Variants in MCMDC2 observed in about 807,000 individuals in gnomAD.
MCMDC2 encodes minichromosome maintenance domain-containing protein 2.
In MCMDC2, 54 loss-of-function variants were observed where a neutral mutation model predicts 75.8. The observed-to-expected ratio is 0.71, with a 90% CI of 0.57 to 0.89. The LOEUF (loss-of-function observed/expected upper bound fraction) is 0.89. Ranked by LOEUF, MCMDC2 falls within the 40% of genes least tolerant of loss-of-function variation. The probability of loss-of-function intolerance (pLI) is 0.00; values close to 1 mark genes in which losing one functional copy is unlikely to be tolerated. For synonymous variants in MCMDC2, 249 were observed against 274.6 expected, an observed-to-expected ratio of 0.91 and a Z score of 0.92; for missense variants, 656 against 780.4, an observed-to-expected ratio of 0.84 and a Z score of 1.90.
chr8:66,914,529 G>T (rs1198768347), intron 14 of MCMDC2, among the ~76,000 whole-genome samples: 1 of 152,186 alleles, frequency 6.6e-6, no homozygotes, highest in African/African-American at 2.4e-5. Context: ...GGCCAGGGTG[G>T]CTAAAACATA....
At chr8:66,891,195 T>G in intron 10 of MCMDC2, 125 bp downstream of exon 10, 1 of 870,484 alleles carries the variant, frequency 1.1e-6, no homozygotes, top group Non-Finnish European at 1.7e-6. Context: ...TTAGATGGCA[T>G]TTCTTATTTT....
intron 14 of MCMDC2, among the ~76,000 whole-genome samples, chr8:66,906,059 C>T (rs370092537): frequency 1.3e-5 from 2 of 151,708 alleles, no homozygotes; most frequent in African/African-American, 4.8e-5. Context: ...TGTATCACCA[C>T]CTTTGCTGAA....
intron 5 of MCMDC2, among the ~76,000 whole-genome samples, chr8:66,877,760 G>A (rs975049319): frequency 6.6e-6 from 1 of 151,220 alleles, no homozygotes; most frequent in African/African-American, 2.4e-5. Context: ...AGCTATTCAA[G>A]ACACTGAGTT....
At chr8:66,924,729 A>T (rs75347872), downstream of MCMDC2, among the ~76,000 whole-genome samples, 1,193 of 152,074 alleles carry the variant, frequency 7.8e-3, 11 homozygotes, top group African/African-American at 0.028. Flanking sequence ...AGAAATACAC[A>T]TCTCTATGTA....
chr8:66,889,395 T>G (rs1811992496), intron 9 of MCMDC2, among the ~76,000 whole-genome samples: 2 of 152,162 alleles, frequency 1.3e-5, no homozygotes, highest in South Asian at 4.1e-4. Context: ...CTTGGGAGAC[T>G]GAGCAGGCAG....
intron 8 of MCMDC2, among the ~76,000 whole-genome samples, chr8:66,883,401 A>G (rs1341873979): frequency 6.6e-6 from 1 of 152,176 alleles, no homozygotes; most frequent in Non-Finnish European, 1.5e-5. Flanking sequence ...CCCACAGCCA[A>G]TCTATGTGGA....
chr8:66,922,479 G>T (rs537243970), downstream of MCMDC2: 1 of 518,650 alleles, frequency 1.9e-6, no homozygotes, highest in South Asian at 1.4e-5. Flanking sequence ...TGGCATCTCA[G>T]TCTTAAAATT....
chr8:66,901,401 T>C (rs1422116856), intron 13 of MCMDC2, 53 bp downstream of exon 13: 1 of 1,558,330 alleles, frequency 6.4e-7, no homozygotes, highest in East Asian at 2.3e-5. Context: ...AAATGATATG[T>C]TTAATTAAAT....
intron 4 of MCMDC2, among the ~76,000 whole-genome samples, chr8:66,875,362 C>G (rs1168593094): frequency 6.6e-6 from 1 of 152,142 alleles, no homozygotes; most frequent in Non-Finnish European, 1.5e-5. Context: ...TCACCACAAC[C>G]TCCACCTCCT....
rs1811415974 is a variant in MCMDC2, at chr8:66,878,691, TTGG to T, written c.604_604+2del. ...CAAGAAGACAGAAAATTTAGAGTAC[TTGG>T]TGGTAATATGCATTTATATTTTGTA... On this transcript the variant is annotated inframe_deletion and splice_region_variant, in exon 6 of 15. Coordinates refer to ENST00000422365, the MANE Select transcript of MCMDC2 (RefSeq NM_173518.5). 1.3e-6 allele frequency: 2 copies of T among 1,562,710 alleles called. No homozygotes were observed. The highest frequency in any genetic ancestry group is 1.2e-5 in the South Asian group (1 of 80,092).
rs1205602069 is a variant in MCMDC2 at position 66,874,474 on chromosome 8, A to G, written c.225+18A>G. On this transcript the variant is annotated intron_variant, in intron 3 of 14. Coordinates refer to ENST00000422365, the MANE Select transcript of MCMDC2 (RefSeq NM_173518.5). ...TTCAATCAGTAAGTCAAAAAAAGAA[A>G]TAATTTTATGCCACATGGAATTTTT... 1.9e-6 allele frequency: 3 copies of G among 1,611,976 alleles called. No homozygotes were observed. The highest frequency in any genetic ancestry group is 1.1e-5 in the South Asian group (1 of 90,206).
At chr8:66,875,847 A>G (rs1811257778) in intron 4 of MCMDC2, among the ~76,000 whole-genome samples, 1 of 152,180 alleles carries the variant, frequency 6.6e-6, no homozygotes, top group Admixed American at 6.5e-5. Flanking sequence ...AATTGGTCCT[A>G]CGTTATATAA....
chr8:66,891,843 C>T (rs913693874), intron 10 of MCMDC2, among the ~76,000 whole-genome samples: 3 of 152,216 alleles, frequency 2.0e-5, no homozygotes, highest in Non-Finnish European at 4.4e-5. Flanking sequence ...GGGCAGGCAG[C>T]TCCAGGGGCT....
chr8:66,884,077 G>A, intron 9 of MCMDC2, 83 bp downstream of exon 9: 2 of 847,488 alleles, frequency 2.4e-6, no homozygotes, highest in Non-Finnish European at 3.8e-6. Context: ...ATTACAAGAA[G>A]AATATTTAGA....
chr8:66,887,751 T>A (rs760037434), intron 9 of MCMDC2, among the ~76,000 whole-genome samples: 2 of 151,988 alleles, frequency 1.3e-5, no homozygotes, highest in Non-Finnish European at 2.9e-5. Flanking sequence ...AGGTATGAGT[T>A]AAAGTTAATG....
intron 12 of MCMDC2, among the ~76,000 whole-genome samples, chr8:66,899,690 G>A (rs937507158): frequency 6.6e-6 from 1 of 151,806 alleles, no homozygotes; most frequent in Non-Finnish European, 1.5e-5. Flanking sequence ...TAGAGACAGG[G>A]TTTCACCATG....
intron 8 of MCMDC2, among the ~76,000 whole-genome samples, chr8:66,882,824 A>G (rs1328166867): frequency 6.6e-6 from 1 of 152,234 alleles, no homozygotes; most frequent in Non-Finnish European, 1.5e-5. Flanking sequence ...GCACTGATGA[A>G]TTATAGAGGG....
intron 7 of MCMDC2, among the ~76,000 whole-genome samples, chr8:66,879,512 G>C (rs1401924793): frequency 6.6e-6 from 1 of 150,612 alleles, no homozygotes; most frequent in Non-Finnish European, 1.5e-5. Flanking sequence ...AGAATCACTT[G>C]AACCCGGGAG....
At chr8:66,881,122 TA>T in intron 8 of MCMDC2, 148 bp downstream of exon 8, 1 of 560,036 alleles carries the variant, frequency 1.8e-6, no homozygotes, top group Non-Finnish European at 2.7e-6. Flanking sequence ...TTTCTGTTCT[TA>T]AGTCACATGG....
Sources: allele counts gnomAD v4.1 joint callset (sites outside exome capture counted in the v4.1 genomes callset), GRCh38; gene constraint gnomAD v4.1.1; transcripts MANE v1.5; gene names NCBI Gene and HGNC (gene_info 2026-07-23, HGNC 2026-07-21).